Variants in PTPRU observed in about 807,000 individuals in gnomAD.
PTPRU encodes the protein receptor-type tyrosine-protein phosphatase U.
A neutral mutation model predicts 166.3 loss-of-function variants in PTPRU; 69 were observed. That is an observed-to-expected ratio of 0.41 (90% CI 0.34 to 0.51). The LOEUF (loss-of-function observed/expected upper bound fraction) is 0.51, where lower values mean the gene tolerates loss of function less well. Ranked by LOEUF, PTPRU falls within the 20% of genes least tolerant of loss-of-function variation. The pLI is 0.09. For synonymous variants in PTPRU, 793 were observed against 814.0 expected (o/e 0.97, Z 0.44); for missense variants, 1,657 against 2,013.7 (o/e 0.82, Z 3.39).
At position 29,260,698 on chromosome 1, in the gene PTPRU, C is replaced by G; in HGVS notation, c.939C>G (p.Gly313=). The G allele has an allele frequency of 6.3e-7, 1 of 1,586,170 alleles. No individual in the cohort carries two copies. Among genetic ancestry groups the G allele is most frequent in the Admixed American group, 1.8e-5 (1 of 56,894 alleles). Residue 313 remains glycine (G), a synonymous_variant, in exon 7 of 30, where the codon GGC becomes GGG. Transcript: ENST00000373779. This position sits in a 1 kb window ranked among gnomAD's most constrained non-coding sequence, Gnocchi z 8.3. ...IIQLNTNSII[G]DGPIVRKEIE... ...AGCTCAACACCAACTCCATCATTGG[C>G]GACGGGCCGATCGTGCGCAAGGAGA... is the stretch of plus-strand genomic sequence containing the variant.
chr1:29,264,775 G>C (rs569293179), intron 7 of PTPRU, among the ~76,000 whole-genome samples: 1 of 152,248 alleles, frequency 6.6e-6, no homozygotes, highest in Non-Finnish European at 1.5e-5. Context: ...CAAAGTGCTA[G>C]GATTATAGGC....
At chr1:29,255,525 C>G (rs1041054870) in intron 2 of PTPRU, 119 bp downstream of exon 2, 112 of 1,401,890 alleles carry the variant, frequency 8.0e-5, no homozygotes, top group Non-Finnish European at 1.1e-4. Flanking sequence ...ACATTTGCAT[C>G]TTTAATGACA....
intron 13 of PTPRU, among the ~76,000 whole-genome samples, 187 bp from the exon 14 acceptor site, chr1:29,284,544 G>A (rs775137680): frequency 2.0e-5 from 3 of 152,204 alleles, no homozygotes; most frequent in African/African-American, 4.8e-5. Context: ...AGTGAGGACT[G>A]TGGCGTGGAA....
In PTPRU at chr1:29,275,715, G is replaced by A. The variant is rs35745442; in HGVS notation, c.1412G>A (p.Arg471His). The change falls in exon 8 of 30, where the codon CGC (arginine) becomes CAC (histidine). Residue 471 changes from arginine to histidine, a missense_variant. This residue lies in a region of PTPRU where 1,190 missense variants were observed against 1,477.4 expected (regional missense o/e 0.81). Coordinates refer to ENST00000373779, the MANE Select transcript of PTPRU (RefSeq NM_133178.4). The stretch of plus-strand genomic sequence containing the variant: ...CTTGTCCTCACTAACCCTGAGGGGC[G>A]CAAAGAGGGCAAGGAGGTCACTTTC... Reference protein sequence around the residue: ...VRLVLTNPEGRKEGKEVTFQT... With the variant: ...VRLVLTNPEGHKEGKEVTFQT... 2.2e-5 allele frequency: 36 copies of A among 1,614,114 alleles called. No individual in the cohort carries two copies. The highest frequency in any genetic ancestry group is 6.7e-5 in the Admixed American group (4 of 60,024).
chr1:29,312,683 C>T lies in PTPRU; in HGVS notation c.3204C>T (p.Ala1068=), dbSNP rs780060079. The change falls in exon 22 of 30, where the codon GCC becomes GCT. Residue 1068 remains alanine, a synonymous_variant. Coordinates refer to ENST00000373779, the MANE Select transcript of PTPRU (RefSeq NM_133178.4). ...TGAAGGCCTCCACCCCACCTGATGC[C>T]GGGCCCATTGTCATCCACTGCAGGT... ...RRVKASTPPD[A]GPIVIHCSAG... 5.3e-5 allele frequency: 85 copies of T among 1,608,512 alleles called. No individual in the cohort carries two copies. In the African/African-American group the frequency reaches 5.7e-4, roughly 11 times the overall value.
intron 7 of PTPRU, among the ~76,000 whole-genome samples, chr1:29,274,791 C>T (rs1483218260): frequency 6.6e-6 from 1 of 152,120 alleles, no homozygotes; most frequent in Admixed American, 6.6e-5. Flanking sequence ...TGGCTCACAC[C>T]TGTAACCCAA....
At position 29,236,806 on chromosome 1, in the gene PTPRU, C is replaced by T. The variant is rs189127082; in HGVS notation, c.73+89C>T. The stretch of plus-strand genomic sequence containing the variant: ...GAAGAAAGTGTGAGTGTTGAGTGAC[C>T]GGGCGTTACGAGCGTGCTCCCTGTG... On this transcript the variant is annotated intron_variant, in intron 1 of 29. Transcript: ENST00000373779. This position sits in a 1 kb window ranked among gnomAD's most constrained non-coding sequence, Gnocchi z 4.6. 1.1e-4 allele frequency: 130 copies of T among 1,196,386 alleles called. No homozygotes were observed. In the African/African-American group the frequency reaches 2.0e-3, roughly 18 times the overall value. The allele number at this position is 1,196,386 out of a possible 1,614,324, so 74.1% of individuals were successfully genotyped here.
intron 24 of PTPRU, among the ~76,000 whole-genome samples, chr1:29,316,739 C>T (rs930284310): frequency 2.6e-5 from 4 of 152,158 alleles, no homozygotes; most frequent in Non-Finnish European, 4.4e-5. Flanking sequence ...AGGAAAAAGG[C>T]GCTTGCTGCT....
intron 27 of PTPRU, 63 bp downstream of exon 27, chr1:29,323,559 C>A (rs537563489): frequency 3.1e-6 from 5 of 1,610,994 alleles, no homozygotes; most frequent in African/African-American, 2.7e-5. Flanking sequence ...CTTTTAATGA[C>A]CCTCTGTGTC....
chr1:29,245,310 T>C (rs1684245268), intron 1 of PTPRU, among the ~76,000 whole-genome samples: 1 of 152,124 alleles, frequency 6.6e-6, no homozygotes, highest in African/African-American at 2.4e-5. Context: ...GGGTGGAAGA[T>C]GTTGGAGGGA....
chr1:29,256,842 A>C (rs1684793434), intron 2 of PTPRU, among the ~76,000 whole-genome samples: 1 of 152,170 alleles, frequency 6.6e-6, no homozygotes, highest in South Asian at 2.1e-4. Context: ...CCCTGAGTGC[A>C]CACTGCCTCT....
At position 29,284,839 on chromosome 1, in the gene PTPRU, T is replaced by C; in HGVS notation, c.2288T>C (p.Leu763Pro). ...AGGLAVLILL[L>P]GAIIVIIRKG... ...GGGCTTGCTGTCCTCATCCTTCTCC[T>C]GGGTGCCATCATTGTCATCATCCGC... is the stretch of plus-strand genomic sequence containing the variant. Residue 763 changes from leucine (L) to proline (P), a missense_variant, in exon 14 of 30, where the codon CTG (leucine) becomes CCG (proline). Physicochemically the swap from Leu to Pro is moderately conservative, Grantham distance 98 (BLOSUM62 -3). Around this residue, in one of 3 missense-constraint regions of PTPRU, gnomAD observed 1,190 missense variants for 1,477.4 expected, o/e 0.81. Transcript: ENST00000373779. The C allele has an allele frequency of 1.2e-6, 2 of 1,613,090 alleles. No homozygotes were observed. The highest frequency in any genetic ancestry group is 1.1e-5 in the South Asian group (1 of 91,020).
In PTPRU at chr1:29,258,815, G is replaced by A. The variant is rs755578518; in HGVS notation, c.477+39G>A. 11 of 1,532,724 alleles carry A rather than the reference G, an allele frequency of 7.2e-6. No individual in the cohort carries two copies. The South Asian group carries it at 9.0e-5, about 13-fold the overall frequency. The allele number at this position is 1,532,724 out of a possible 1,614,324, so 94.9% of individuals were successfully genotyped here. A position where few individuals can be genotyped will look rare whatever the true frequency, so the allele number is the denominator to read the frequency against. Reference sequence around the variant, plus strand: ...AGTCAGCGGTCAGCCTGTGCCTGGAGGTGGGGCAGATGGATGTCAAATTGA... The same window carrying A: ...AGTCAGCGGTCAGCCTGTGCCTGGAAGTGGGGCAGATGGATGTCAAATTGA... On this transcript the variant is annotated intron_variant, in intron 3 of 29. Transcript: ENST00000373779.
intron 18 of PTPRU, among the ~76,000 whole-genome samples, chr1:29,307,474 C>T (rs192292370): frequency 6.6e-6 from 1 of 152,374 alleles, no homozygotes; most frequent in Admixed American, 6.5e-5. Context: ...CCGCCATTCC[C>T]AAGGAGTCCT....
intron 8 of PTPRU, among the ~76,000 whole-genome samples, chr1:29,275,994 A>C (rs546488193): frequency 1.3e-5 from 2 of 152,268 alleles, no homozygotes; most frequent in South Asian, 4.1e-4. Flanking sequence ...TTGGGCATAG[A>C]GTTTTCTTTG....
chr1:29,287,318 C>G (rs1482857004), intron 14 of PTPRU, among the ~76,000 whole-genome samples: 2 of 152,186 alleles, frequency 1.3e-5, no homozygotes, highest in African/African-American at 4.8e-5. Flanking sequence ...CCCCACCCTT[C>G]TCCATGGCAG....
intron 15 of PTPRU, among the ~76,000 whole-genome samples, chr1:29,298,828 G>C (rs1019219566): frequency 1.3e-5 from 2 of 152,104 alleles, no homozygotes; most frequent in African/African-American, 4.8e-5. Context: ...ACTCTTCTGG[G>C]CCTCAGTTTT....
In PTPRU at chr1:29,238,900, A is replaced by T. The variant is rs1011204695; in HGVS notation, c.73+2183A>T. On this transcript the variant is annotated intron_variant, in intron 1 of 29. Transcript: ENST00000373779. This position sits in a 1 kb window ranked among gnomAD's most constrained non-coding sequence, Gnocchi z 6.1. ...CTAGAGCAGGTTACTCCCATTCTTG[A>T]TGCCTCAGTTTCCTCTTCTGCCTCA... Among the ~76,000 whole-genome samples the T allele has an allele frequency of 6.6e-6, 1 of 152,190 alleles. No homozygotes were observed. Among genetic ancestry groups the T allele is most frequent in the Non-Finnish European group, 1.5e-5 (1 of 68,030 alleles).
At chr1:29,262,642 C>G (rs187599027) in intron 7 of PTPRU, among the ~76,000 whole-genome samples, 2 of 152,014 alleles carry the variant, frequency 1.3e-5, no homozygotes, top group East Asian at 3.9e-4. Context: ...ATCTAGGGTT[C>G]GGAACTCTCT....
Sources: allele counts gnomAD v4.1 joint callset (sites outside exome capture counted in the v4.1 genomes callset), GRCh38; gene constraint gnomAD v4.1.1; regional missense constraint gnomAD v4.1.1; non-coding constraint Gnocchi (gnomAD v3.1); transcripts MANE v1.5; gene names NCBI Gene and HGNC (gene_info 2026-07-23, HGNC 2026-07-21).